CDH18: variants seen among roughly 807,000 people sequenced by gnomAD.
CDH18 encodes cadherin 18.
Under a neutral mutation model 67.9 loss-of-function variants are expected in CDH18, and 31 were observed. That is an observed-to-expected ratio of 0.46 (90% CI 0.34 to 0.62). CDH18 has a LOEUF of 0.62. Among genes scored for constraint, CDH18 ranks in the 20% least tolerant of loss-of-function variants. CDH18 has a pLI of 0.01. For missense variants in CDH18, 890 were observed against 975.5 expected (o/e 0.91, Z 1.17); for synonymous variants, 362 against 347.2 (o/e 1.04, Z -0.48).
rs369415784 is a variant in CDH18, at chr5:20,182,453, T to C, written c.-518+72991A>G. Among the ~76,000 whole-genome samples the C allele has an allele frequency of 4.0e-4, 61 of 151,654 alleles. No homozygotes were observed. The South Asian group carries it at 0.012, about 30-fold the overall frequency. ...CCCCGTCTCTACTAAAAATACAAAA[T>C]TGGCTGGGTATGGTGGTGCATGCCT... is the stretch of plus-strand genomic sequence containing the variant. On this transcript the variant is annotated intron_variant, in intron 2 of 14. Coordinates refer to the CDH18 transcript ENST00000507958.
At chr5:20,278,004 C>T (rs1745934490) in intron 1 of CDH18, among the ~76,000 whole-genome samples, 1 of 151,980 alleles carries the variant, frequency 6.6e-6, no homozygotes, top group African/African-American at 2.4e-5. Flanking sequence ...AATAATGAAG[C>T]CTACCTGCCA....
chr5:20,024,155 A>G (rs1486041615), intron 2 of CDH18, among the ~76,000 whole-genome samples: 1 of 152,242 alleles, frequency 6.6e-6, no homozygotes, highest in East Asian at 1.9e-4. Flanking sequence ...TGTTTTAATT[A>G]ACTATTGCCT....
chr5:19,659,300 T>G (rs1249896056), intron 5 of CDH18, among the ~76,000 whole-genome samples: 2 of 152,246 alleles, frequency 1.3e-5, no homozygotes, highest in East Asian at 3.9e-4. Flanking sequence ...TACGTTCAAT[T>G]AAAATGATTC....
At chr5:19,584,316 C>A (rs1743744946) in intron 7 of CDH18, among the ~76,000 whole-genome samples, 1 of 152,176 alleles carries the variant, frequency 6.6e-6, no homozygotes, top group Admixed American at 6.5e-5. Flanking sequence ...AGGAACGTTG[C>A]AGACAGTCCT....
At chr5:19,875,429 TA>T (rs1786853820) in intron 2 of CDH18, among the ~76,000 whole-genome samples, 3 of 149,802 alleles carry the variant, frequency 2.0e-5, no homozygotes, top group African/African-American at 7.6e-5. Context: ...GATAGATAGA[TA>T]GATAGATAGA....
chr5:20,441,574 ATTTTGGTTCTGAACTCATAATCTGTT>A (rs1411960560), intron 1 of CDH18, among the ~76,000 whole-genome samples: 5 of 152,068 alleles, frequency 3.3e-5, no homozygotes, highest in Admixed American at 2.6e-4. Context: ...TACAGCTAGC[ATTTTGGTTCTGAACTCATAATCTGTT>A]TAATAGAGTC....
At chr5:19,510,274 A>G (rs1472665028) in intron 10 of CDH18, among the ~76,000 whole-genome samples, 1 of 152,150 alleles carries the variant, frequency 6.6e-6, no homozygotes, top group African/African-American at 2.4e-5. Context: ...AAACTAAAGA[A>G]TACAGATTCG....
At chr5:19,783,553 AC>A (rs1775369179) in intron 3 of CDH18, among the ~76,000 whole-genome samples, 2 of 152,170 alleles carry the variant, frequency 1.3e-5, no homozygotes, top group Admixed American at 1.3e-4. Flanking sequence ...ACTTATTTCA[AC>A]CAGGAATTCC....
chr5:19,945,046 G>T (rs1417960291), intron 2 of CDH18, among the ~76,000 whole-genome samples: 1 of 152,038 alleles, frequency 6.6e-6, no homozygotes, highest in Non-Finnish European at 1.5e-5. Context: ...CCCAATCTCT[G>T]CTCCACATTC....
At chr5:20,247,056 C>T (rs1743436653) in intron 2 of CDH18, among the ~76,000 whole-genome samples, 1 of 152,106 alleles carries the variant, frequency 6.6e-6, no homozygotes, top group South Asian at 2.1e-4. Context: ...TCCACAGGAG[C>T]CATATCAACC....
intron 1 of CDH18, among the ~76,000 whole-genome samples, chr5:20,369,676 G>T (rs185637338): frequency 7.0e-4 from 107 of 152,228 alleles, no homozygotes; most frequent in African/African-American, 2.2e-3. Flanking sequence ...ATGTCCAGTG[G>T]CCATGAGCCA....
At chr5:20,267,129 A>G (rs2126651493) in intron 1 of CDH18, among the ~76,000 whole-genome samples, 1 of 152,330 alleles carries the variant, frequency 6.6e-6, no homozygotes, top group East Asian at 1.9e-4. Flanking sequence ...ATTTATATAT[A>G]GTGTGAAATA....
chr5:19,582,132 G>GTA (rs1561397134), intron 7 of CDH18, among the ~76,000 whole-genome samples: 1 of 151,838 alleles, frequency 6.6e-6, no homozygotes, highest in East Asian at 1.9e-4. Context: ...TATACAGAAA[G>GTA]TATGCTTATT....
At chr5:19,558,864 A>T (rs80331080) in intron 8 of CDH18, among the ~76,000 whole-genome samples, 2 of 152,014 alleles carry the variant, frequency 1.3e-5, no homozygotes, top group African/African-American at 4.8e-5. Flanking sequence ...ACTACAGACC[A>T]ATACACAGAC....
chr5:19,620,068 C>A (rs1580533322), intron 5 of CDH18, among the ~76,000 whole-genome samples: 1 of 152,150 alleles, frequency 6.6e-6, no homozygotes. Context: ...AGCTACTTAG[C>A]TGCAAGCTAT....
intron 2 of CDH18, among the ~76,000 whole-genome samples, chr5:20,224,545 T>C (rs1454437819): frequency 1.3e-5 from 2 of 151,546 alleles, no homozygotes; most frequent in African/African-American, 4.8e-5. Flanking sequence ...TCTGTTTTAA[T>C]ATTTTATTTA....
chr5:20,406,147 A>T (rs1484526218), intron 1 of CDH18, among the ~76,000 whole-genome samples: 1 of 152,190 alleles, frequency 6.6e-6, no homozygotes, highest in South Asian at 2.1e-4. Flanking sequence ...TGTTTATTGC[A>T]GCACTATTGA....
At chr5:20,199,912 G>T (rs763220508) in intron 2 of CDH18, among the ~76,000 whole-genome samples, 5 of 152,138 alleles carry the variant, frequency 3.3e-5, no homozygotes, top group Non-Finnish European at 7.4e-5. Flanking sequence ...TGATGAAGGT[G>T]ACTTCCTCCC....
chr5:20,305,527 G>A (rs1736346915), intron 1 of CDH18: 2 of 887,020 alleles, frequency 2.3e-6, no homozygotes, highest in African/African-American at 1.6e-5. Context: ...AGCGGCGCAG[G>A]GGTCTCGAGC....
Sources: gnomAD v4.1 joint callset for allele counts (sites outside exome capture counted in the v4.1 genomes callset) on GRCh38, gnomAD v4.1.1 for gene constraint, MANE v1.5 for transcripts, NCBI Gene and HGNC (gene_info 2026-07-23, HGNC 2026-07-21) for gene names.